Variants in HECTD4 observed in about 807,000 individuals in gnomAD.
HECTD4 encodes probable E3 ubiquitin-protein ligase HECTD4.
In HECTD4, 114 loss-of-function variants were observed where a neutral mutation model predicts 471.5. The ratio of observed to expected loss-of-function variants is 0.24; its 90% CI spans 0.21 to 0.28. The LOEUF (loss-of-function observed/expected upper bound fraction) is 0.28. HECTD4 is among the 10% of genes least tolerant of loss of function. The pLI is 1.00. For missense variants in HECTD4, 3,866 were observed against 5,651.5 expected (o/e 0.68, Z 10.13); for synonymous variants, 2,012 against 2,256.0 (o/e 0.89, Z 3.07).
At chr12:112,279,669 A>G (rs564389638) in intron 8 of HECTD4, among the ~76,000 whole-genome samples, 2 of 152,194 alleles carry the variant, frequency 1.3e-5, no homozygotes, top group Non-Finnish European at 2.9e-5. Flanking sequence ...AAATTATTCC[A>G]AAAAAATAAA....
In HECTD4 at chr12:112,213,332, C is replaced by T. The variant is rs923625727; in HGVS notation, c.7466-682G>A. Among the ~76,000 whole-genome samples, 17 of 151,762 alleles carry T rather than the reference C, an allele frequency of 1.1e-4. No homozygotes were observed. The highest frequency in any genetic ancestry group is 1.5e-4 in the African/African-American group (6 of 41,354). ...TTGACACATGGAGGATTACTTATGA[C>T]GAATAAGTAAAAAGGTATTAGTAAT... On this transcript the variant is annotated intron_variant, in intron 48 of 75. Transcript: ENST00000682272. The surrounding 1 kb of genome is among the most constrained non-coding windows in gnomAD (Gnocchi z 4.0).
At chr12:112,301,103 G>C (rs2035155011) in intron 7 of HECTD4, among the ~76,000 whole-genome samples, 1 of 151,068 alleles carries the variant, frequency 6.6e-6, no homozygotes, top group South Asian at 2.1e-4. Flanking sequence ...GGCCAGGCTG[G>C]TCTCGAACTC....
At chr12:112,203,427 G>C in intron 54 of HECTD4, 1 of 453,964 alleles carries the variant, frequency 2.2e-6, no homozygotes, top group South Asian at 3.3e-5. Flanking sequence ...AGACTGGAGA[G>C]CCTACCATCT....
chr12:112,357,085 G>A (rs946496860), intron 1 of HECTD4, among the ~76,000 whole-genome samples: 2 of 152,064 alleles, frequency 1.3e-5, no homozygotes, highest in Non-Finnish European at 2.9e-5. Context: ...ATAGACCAAA[G>A]GAACTCAGTG....
At chr12:112,328,537 C>G (rs997085607) in intron 1 of HECTD4, among the ~76,000 whole-genome samples, 3 of 152,112 alleles carry the variant, frequency 2.0e-5, no homozygotes, top group African/African-American at 7.2e-5. Context: ...CCATTTTTCA[C>G]ATAATGAAGA....
At position 112,319,337 on chromosome 12, in the gene HECTD4, T is replaced by C. The variant is rs1439919173; in HGVS notation, c.583A>G (p.Ile195Val). 6.5e-7 allele frequency: 1 copy of C among 1,536,158 alleles called. No homozygotes were observed. Among genetic ancestry groups the C allele is most frequent in the East Asian group, 2.4e-5 (1 of 40,916 alleles). The change falls in exon 2 of 76, where the codon ATT (isoleucine) becomes GTT (valine). Residue 195 changes from isoleucine (I) to valine (V), a missense_variant. Transcript: ENST00000682272. The surrounding 1 kb of genome is among the most constrained non-coding windows in gnomAD (Gnocchi z 5.3). ...TKEPADCLNG[I>V]ETLLCSWLEE... ...AGCCAAGAGCACAGCAAAGTTTCAATTCCATTGAGACAGTCAGCAGGCTCC... is the reference window on the plus strand; with the variant it reads ...AGCCAAGAGCACAGCAAAGTTTCAACTCCATTGAGACAGTCAGCAGGCTCC...
chr12:112,235,391 T>C lies in HECTD4; in HGVS notation c.5725+113A>G, dbSNP rs1305179080. The stretch of plus-strand genomic sequence containing the variant: ...CCCCCTTCTCTATTCCTGTCCCCGC[T>C]CCCTTCTCTGTCACTCACTCTTTCA... On this transcript the variant is annotated intron_variant, in intron 36 of 75. Coordinates refer to ENST00000682272, the MANE Select transcript of HECTD4 (RefSeq NM_001388303.1). This position sits in a 1 kb window ranked among gnomAD's most constrained non-coding sequence, Gnocchi z 5.0. 7 of 1,484,358 alleles carry C rather than the reference T, an allele frequency of 4.7e-6. No individual in the cohort carries two copies. The East Asian group carries it at 1.6e-4, about 34-fold the overall frequency. 91.9% of individuals were successfully genotyped at this position (1,484,358 alleles called of 1,614,324 possible). A position where few individuals can be genotyped will look rare whatever the true frequency, so the allele number is the denominator to read the frequency against.
At chr12:112,309,186 A>C (rs2035327138) in intron 5 of HECTD4, among the ~76,000 whole-genome samples, 1 of 152,212 alleles carries the variant, frequency 6.6e-6, no homozygotes, top group Admixed American at 6.5e-5. Flanking sequence ...TTATATCCCA[A>C]CTGAAAATCA....
intron 1 of HECTD4, among the ~76,000 whole-genome samples, chr12:112,379,480 G>C (rs2036849419): frequency 6.6e-6 from 1 of 152,138 alleles, no homozygotes; most frequent in Non-Finnish European, 1.5e-5. Context: ...GATCACCTGA[G>C]GTCAGGAGTT....
At position 112,319,597 on chromosome 12, in the gene HECTD4, G is replaced by A. The variant is rs1360575382; in HGVS notation, c.323C>T (p.Ala108Val). Residue 108 changes from alanine (A) to valine (V), a missense_variant, in exon 2 of 76, where the codon GCC (alanine) becomes GTC (valine). By Grantham distance (64) the Ala-to-Val change is moderately conservative. Transcript: ENST00000682272. The surrounding 1 kb of genome is among the most constrained non-coding windows in gnomAD (Gnocchi z 5.3). ...RGLWNAQRQL[A>V]LEEQHERESS... ...TTCCCTTTCATGCTGTTCTTCTAAG[G>A]CCAGCTGGCGCTGGGCATTCCACAG... The A allele has an allele frequency of 7.0e-7, 1 of 1,423,944 alleles. No individual in the cohort carries two copies. Among genetic ancestry groups the A allele is most frequent in the Non-Finnish European group, 9.1e-7 (1 of 1,093,592 alleles). The allele number at this position is 1,423,944 out of a possible 1,614,324, so 88.2% of individuals were successfully genotyped here. A position where few individuals can be genotyped will look rare whatever the true frequency, so the allele number is the denominator to read the frequency against.
chr12:112,356,426 T>G (rs1174591792), intron 1 of HECTD4, among the ~76,000 whole-genome samples: 1 of 152,090 alleles, frequency 6.6e-6, no homozygotes, highest in East Asian at 1.9e-4. Flanking sequence ...GTGTGTTTTT[T>G]GTTTGTTTGT....
At chr12:112,221,655 C>T (rs1256193415) in intron 44 of HECTD4, among the ~76,000 whole-genome samples, 1 of 152,126 alleles carries the variant, frequency 6.6e-6, no homozygotes, top group Admixed American at 6.6e-5. Flanking sequence ...GGTGCGGTTT[C>T]TCATGCCTGT....
intron 16 of HECTD4, 115 bp from the exon 17 acceptor site, chr12:112,264,327 AC>A: frequency 9.4e-7 from 1 of 1,063,674 alleles, no homozygotes; most frequent in Non-Finnish European, 1.3e-6. Flanking sequence ...AATAAAAAAA[AC>A]AGACCAAGTT....
chr12:112,184,589 C>A lies in HECTD4; in HGVS notation c.10377G>T (p.Lys3459Asn). Residue 3459 changes from lysine (K) to asparagine (N), a missense_variant, in exon 61 of 76, where the codon AAG becomes AAT. Lys to Asn is a moderately conservative substitution (Grantham distance 94, BLOSUM62 0). Transcript: ENST00000682272. The surrounding 1 kb of genome is among the most constrained non-coding windows in gnomAD (Gnocchi z 9.1). ...TGTCTGTGCCGGGGAAGGCCAGTGT[C>A]TTCTCGGGCTCAACTTTCCCGTCCC... ...EGGDGKVEPEKTLAFPGTDSM... is the reference protein window; with the variant it reads ...EGGDGKVEPENTLAFPGTDSM... The A allele has an allele frequency of 6.2e-7, 1 of 1,613,876 alleles. No individual in the cohort carries two copies. The highest frequency in any genetic ancestry group is 8.5e-7 in the Non-Finnish European group (1 of 1,179,874).
chr12:112,167,752 C>T, intron 71 of HECTD4, 62 bp downstream of exon 71: 2 of 1,431,962 alleles, frequency 1.4e-6, no homozygotes, highest in Non-Finnish European at 2.0e-6. Flanking sequence ...CTGCCCGCCA[C>T]CCCAGCCACT....
chr12:112,306,599 A>AT (rs2035275759), intron 6 of HECTD4, among the ~76,000 whole-genome samples: 1 of 152,210 alleles, frequency 6.6e-6, no homozygotes, highest in East Asian at 1.9e-4. Context: ...ACTTTCTGAA[A>AT]TTTCTTTAGT....
At position 112,266,983 on chromosome 12, in the gene HECTD4, C is replaced by G; in HGVS notation, c.2322-1G>C. 2 of 1,505,208 alleles carry G rather than the reference C, an allele frequency of 1.3e-6. No individual in the cohort carries two copies. The highest frequency in any genetic ancestry group is 1.8e-6 in the Non-Finnish European group (2 of 1,109,008). The allele number at this position is 1,505,208 out of a possible 1,614,324, so 93.2% of individuals were successfully genotyped here. ...TGGGTACAAGATATTTAAACCAGAGCTGAAATGACAAAAAAGTCAAAAACA... is the reference window on the plus strand; with the variant it reads ...TGGGTACAAGATATTTAAACCAGAGGTGAAATGACAAAAAAGTCAAAAACA... On this transcript the variant is annotated splice_acceptor_variant, in intron 13 of 75. Transcript: ENST00000682272. LOFTEE classifies it high-confidence loss of function.
rs2135545375 is a variant in HECTD4 at position 112,212,545 on chromosome 12, G to A, written c.7571C>T (p.Ser2524Leu). The part of the protein sequence containing the change: ...VYFTYCGQRL[S>L]PYLEDVSGGM... ...ACCAGAGACGTCTTCAAGATATGGT[G>A]AGAGGCGCTGCCCGCAGTATGTGAA... The change falls in exon 49 of 76, where the codon TCA becomes TTA. Residue 2524 changes from serine (S) to leucine (L), a missense_variant. By Grantham distance (145) the Ser-to-Leu change is moderately radical. Coordinates refer to ENST00000682272, the MANE Select transcript of HECTD4 (RefSeq NM_001388303.1). 1 of 1,613,934 alleles carries A rather than the reference G, an allele frequency of 6.2e-7. No homozygotes were observed. The highest frequency in any genetic ancestry group is 8.5e-7 in the Non-Finnish European group (1 of 1,179,804).
chr12:112,219,325 G>T, intron 45 of HECTD4, 61 bp downstream of exon 45: 1 of 1,206,212 alleles, frequency 8.3e-7, no homozygotes, highest in Non-Finnish European at 1.2e-6. Context: ...ACTTGCTGCT[G>T]GCCTTACTCA....
Sources: allele counts gnomAD v4.1 joint callset (sites outside exome capture counted in the v4.1 genomes callset), GRCh38; gene constraint gnomAD v4.1.1; non-coding constraint Gnocchi (gnomAD v3.1); transcripts MANE v1.5; gene names NCBI Gene and HGNC (gene_info 2026-07-23, HGNC 2026-07-21).